OSBPL10: variants seen among roughly 807,000 people sequenced by gnomAD.
The protein encoded by OSBPL10 is oxysterol binding protein like 10.
Under a neutral mutation model 81.7 loss-of-function variants are expected in OSBPL10, and 49 were observed. The ratio of observed to expected loss-of-function variants is 0.60; its 90% confidence interval spans 0.48 to 0.76. The LOEUF (loss-of-function observed/expected upper bound fraction) is 0.76, where lower values mean the gene tolerates loss of function less well. OSBPL10 is among the 30% of genes least tolerant of loss of function. The pLI, the probability that OSBPL10 is intolerant of heterozygous loss-of-function variation, is 0.00. For missense variants in OSBPL10, 923 were observed against 987.8 expected, an observed-to-expected ratio of 0.93 and a Z score of 0.88; for synonymous variants, 419 against 383.6, an observed-to-expected ratio of 1.09 and a Z score of -1.08.
chr3:31,945,994 T>C (rs1172093830), intron 1 of OSBPL10, among the ~76,000 whole-genome samples: 1 of 86,836 alleles, frequency 1.2e-5, no homozygotes, highest in Admixed American at 1.1e-4. Flanking sequence ...TGCTTTTTTT[T>C]TTCTGAGATG....
At chr3:31,917,918 T>G (rs1696803957) in intron 1 of OSBPL10, among the ~76,000 whole-genome samples, 1 of 151,836 alleles carries the variant, frequency 6.6e-6, no homozygotes, top group African/African-American at 2.4e-5. Context: ...ATTAAATCTT[T>G]AAGTGGTGCT....
intron 1 of OSBPL10, among the ~76,000 whole-genome samples, chr3:31,930,291 C>A (rs1221601646): frequency 1.3e-5 from 2 of 152,020 alleles, no homozygotes; most frequent in Non-Finnish European, 2.9e-5. Context: ...TAAAACTGAC[C>A]TGAGAAATCA....
At chr3:31,663,453 C>T in intron 11 of OSBPL10, 7 of 987,900 alleles carry the variant, frequency 7.1e-6, no homozygotes, top group Non-Finnish European at 7.2e-6. Context: ...GCTTCCCAAT[C>T]CCTCCACAAC....
chr3:31,740,857 T>TTATATA (rs145097507), intron 5 of OSBPL10, among the ~76,000 whole-genome samples: 8,007 of 136,422 alleles, frequency 0.059, 745 homozygotes, highest in African/African-American at 0.17. Context: ...CTACTAGAAT[T>TTATATA]TATATATATA....
intron 2 of OSBPL10, among the ~76,000 whole-genome samples, chr3:32,021,860 T>C (rs542782302): frequency 3.9e-4 from 60 of 152,020 alleles, no homozygotes; most frequent in African/African-American, 1.0e-3. Flanking sequence ...ATGACTGTAG[T>C]CTCAGCTACT....
intron 4 of OSBPL10, among the ~76,000 whole-genome samples, chr3:31,798,157 G>C (rs1413463701): frequency 6.6e-6 from 1 of 152,132 alleles, no homozygotes; most frequent in Non-Finnish European, 1.5e-5. Flanking sequence ...GAGGCCAGGC[G>C]CAGTGGCTCA....
At position 31,852,426 on chromosome 3, in the gene OSBPL10, C is replaced by T. The variant is rs572031733; in HGVS notation, c.538-22195G>A. 2.6e-5 allele frequency among the ~76,000 whole-genome samples: 4 copies of T among 152,198 alleles called. No individual in the cohort carries two copies. In the South Asian group the frequency reaches 8.3e-4, roughly 32 times the overall value. ...TATCCAGCCAAAAATGTCAATAGTACCAAGGTGGGAAAACCCTGGGATGAG... is the reference window on the plus strand; with the variant it reads ...TATCCAGCCAAAAATGTCAATAGTATCAAGGTGGGAAAACCCTGGGATGAG... On this transcript the variant is annotated intron_variant, in intron 3 of 11. Coordinates refer to ENST00000396556, the MANE Select transcript of OSBPL10 (RefSeq NM_017784.5).
intron 4 of OSBPL10, among the ~76,000 whole-genome samples, chr3:31,791,675 C>G (rs955391716): frequency 5.9e-5 from 9 of 151,498 alleles, no homozygotes; most frequent in Non-Finnish European, 1.3e-4. Flanking sequence ...CTTTACTAAG[C>G]TGTGTACGGC....
At chr3:31,844,926 A>T (rs941618615) in intron 3 of OSBPL10, among the ~76,000 whole-genome samples, 49 of 152,074 alleles carry the variant, frequency 3.2e-4, no homozygotes, top group African/African-American at 5.8e-4. Context: ...AATGTTTTTT[A>T]AAAAAACTAG....
chr3:31,807,303 G>GTGTA (rs1699543621), intron 4 of OSBPL10, among the ~76,000 whole-genome samples: 1 of 152,006 alleles, frequency 6.6e-6, no homozygotes, highest in African/African-American at 2.4e-5. Flanking sequence ...AACCCAGGAG[G>GTGTA]TGTAGGCTGC....
intron 1 of OSBPL10, among the ~76,000 whole-genome samples, chr3:31,905,368 T>TTTTTTTTTTTTTTTTTTTTTG (rs869077578): frequency 1.3e-5 from 2 of 148,290 alleles, no homozygotes; most frequent in East Asian, 2.0e-4. Context: ...TTTTTTTTTT[T>TTTTTTTTTTTTTTTTTTTTTG]AGACGGACTC....
chr3:31,800,695 A>C (rs1223086078), intron 4 of OSBPL10, among the ~76,000 whole-genome samples: 1 of 152,272 alleles, frequency 6.6e-6, no homozygotes, highest in East Asian at 1.9e-4. Flanking sequence ...GGGTCAAGTT[A>C]AAATAGCCAA....
intron 1 of OSBPL10, among the ~76,000 whole-genome samples, chr3:32,058,185 G>A (rs958068554): frequency 6.6e-6 from 1 of 152,164 alleles, no homozygotes; most frequent in African/African-American, 2.4e-5. Context: ...GGGATGAGAT[G>A]CCCTAATGTC....
At chr3:31,971,682 A>G (rs1026905825) in intron 1 of OSBPL10, among the ~76,000 whole-genome samples, 2 of 152,250 alleles carry the variant, frequency 1.3e-5, no homozygotes, top group Admixed American at 6.5e-5. Flanking sequence ...AACTACTTGC[A>G]TAAGAAATCT....
intron 1 of OSBPL10, among the ~76,000 whole-genome samples, chr3:31,958,546 G>A (rs1028289815): frequency 3.9e-5 from 6 of 152,182 alleles, no homozygotes; most frequent in Non-Finnish European, 8.8e-5. Flanking sequence ...GTTGTATTAG[G>A]ATGGGAGGAC....
intron 8 of OSBPL10, among the ~76,000 whole-genome samples, chr3:31,678,830 G>GTGTT (rs1263613553): frequency 1.5e-4 from 21 of 136,936 alleles, no homozygotes; most frequent in South Asian, 4.7e-4. Context: ...GTGTGTGTGT[G>GTGTT]TAGGAGGGAA....
chr3:31,747,811 A>G (rs1697572730), intron 5 of OSBPL10, 99 bp downstream of exon 5: 3 of 1,237,344 alleles, frequency 2.4e-6, no homozygotes, highest in East Asian at 2.3e-5. Flanking sequence ...AGATGGATGG[A>G]TCGTAGAGAA....
chr3:32,007,753 C>G (rs1434819013), intron 2 of OSBPL10, among the ~76,000 whole-genome samples: 1 of 152,078 alleles, frequency 6.6e-6, no homozygotes, highest in Non-Finnish European at 1.5e-5. Flanking sequence ...GTTGCCCAGG[C>G]TAGAGTGCAA....
chr3:31,747,467 G>C (rs1035895208), intron 5 of OSBPL10, among the ~76,000 whole-genome samples: 2 of 107,758 alleles, frequency 1.9e-5, no homozygotes, highest in African/African-American at 6.4e-5. Flanking sequence ...CCACTGAATG[G>C]AATGAAATGA....
Sources: gnomAD v4.1 joint callset for allele counts (sites outside exome capture counted in the v4.1 genomes callset) on GRCh38, gnomAD v4.1.1 for gene constraint, MANE v1.5 for transcripts, NCBI Gene and HGNC (gene_info 2026-07-23, HGNC 2026-07-21) for gene names.